IL1RAPL2: variants seen among roughly 807,000 people sequenced by gnomAD.
IL1RAPL2 encodes interleukin 1 receptor accessory protein like 2, also known as X-linked interleukin-1 receptor accessory protein-like 2.
IL1RAPL2 carries 3 observed loss-of-function variants against 44.1 expected under a neutral mutation model. The ratio of observed to expected loss-of-function variants is 0.07; its 90% CI spans 0.03 to 0.18. The LOEUF (loss-of-function observed/expected upper bound fraction) is 0.18. Among genes scored for constraint, IL1RAPL2 ranks in the 10% least tolerant of loss-of-function variants. IL1RAPL2 has a pLI of 1.00. For synonymous variants in IL1RAPL2, 181 were observed against 178.8 expected (o/e 1.01, Z -0.10); for missense variants, 391 against 496.4 (o/e 0.79, Z 2.02).
At chrX:105,087,743 A>G (rs2032496077) in intron 2 of IL1RAPL2, among the ~76,000 whole-genome samples, 1 of 112,206 alleles carries the variant, frequency 8.9e-6, no homozygotes. Flanking sequence ...AGGAAGTTCC[A>G]GAGACTTTCT....
At chrX:104,624,315 C>T (rs931772052) in intron 1 of IL1RAPL2, among the ~76,000 whole-genome samples, 8 of 109,933 alleles carry the variant, frequency 7.3e-5, no homozygotes, top group Admixed American at 4.9e-4. Flanking sequence ...AAAATATTTA[C>T]AACGCATGTA....
At chrX:105,126,507 G>T (rs1237862932) in intron 2 of IL1RAPL2, among the ~76,000 whole-genome samples, 3 of 111,028 alleles carry the variant, frequency 2.7e-5, no homozygotes, top group Non-Finnish European at 5.7e-5. Flanking sequence ...TGTTTACTAT[G>T]TTCCTTTTTT....
chrX:105,583,509 A>G (rs1040465552), intron 6 of IL1RAPL2, among the ~76,000 whole-genome samples: 7 of 112,062 alleles, frequency 6.2e-5, no homozygotes, highest in African/African-American at 2.3e-4. Flanking sequence ...GTTAGTTTGC[A>G]TCTTTCAGAG....
At chrX:105,758,337 T>C (rs1022987533) in intron 10 of IL1RAPL2, among the ~76,000 whole-genome samples, 2 of 111,728 alleles carry the variant, frequency 1.8e-5, no homozygotes, top group African/African-American at 6.5e-5. Flanking sequence ...TGTACTACTC[T>C]CACGGTATTC....
intron 2 of IL1RAPL2, among the ~76,000 whole-genome samples, chrX:104,863,312 T>C (rs1372614743): frequency 8.9e-6 from 1 of 111,769 alleles, no homozygotes; most frequent in African/African-American, 3.3e-5. Flanking sequence ...TAATCACTCA[T>C]ACATTTATGT....
At chrX:105,199,424 T>C (rs1311116419) in intron 3 of IL1RAPL2, among the ~76,000 whole-genome samples, 3 of 110,643 alleles carry the variant, frequency 2.7e-5, no homozygotes, top group Non-Finnish European at 3.8e-5. Flanking sequence ...GAGTCCTGTT[T>C]TTTTAATGGA....
intron 2 of IL1RAPL2, among the ~76,000 whole-genome samples, chrX:105,078,522 C>T (rs2147545512): frequency 8.9e-6 from 1 of 112,417 alleles, no homozygotes; most frequent in South Asian, 3.7e-4. Flanking sequence ...CTCAGATCTC[C>T]AGCTGCATGC....
chrX:104,878,470 T>C (rs1048058727), intron 2 of IL1RAPL2, among the ~76,000 whole-genome samples: 12 of 112,212 alleles, frequency 1.1e-4, no homozygotes, highest in African/African-American at 3.6e-4. Flanking sequence ...GAAAGTTAAA[T>C]AGATTGCTCA....
chrX:104,676,944 G>T (rs956621871), intron 2 of IL1RAPL2, among the ~76,000 whole-genome samples: 1 of 111,638 alleles, frequency 9.0e-6, no homozygotes, highest in East Asian at 2.8e-4. Context: ...TTGGTTTTCA[G>T]CTCCATCAGC....
intron 6 of IL1RAPL2, among the ~76,000 whole-genome samples, chrX:105,491,214 TA>T (rs1417549664): frequency 1.8e-5 from 2 of 111,447 alleles, no homozygotes; most frequent in African/African-American, 3.3e-5. Context: ...TTTTTATTTT[TA>T]TTTTTTTTTA....
At chrX:105,085,199 ATCT>A (rs1337946716) in intron 2 of IL1RAPL2, among the ~76,000 whole-genome samples, 1 of 112,255 alleles carries the variant, frequency 8.9e-6, no homozygotes, top group Non-Finnish European at 1.9e-5. Context: ...CAATCTAAAA[ATCT>A]TCTACACAGC....
intron 5 of IL1RAPL2, among the ~76,000 whole-genome samples, chrX:105,269,800 T>G (rs2034433384): frequency 8.9e-6 from 1 of 112,000 alleles, no homozygotes; most frequent in Admixed American, 9.6e-5. Flanking sequence ...TGCTGAATCT[T>G]GTAACATTAT....
intron 5 of IL1RAPL2, among the ~76,000 whole-genome samples, chrX:105,325,514 C>T (rs1199064022): frequency 7.5e-5 from 7 of 93,590 alleles, no homozygotes; most frequent in African/African-American, 3.1e-4. Context: ...CTTGAATAAA[C>T]ATGTTTTCAT....
chrX:104,932,978 T>C (rs1276499890), intron 2 of IL1RAPL2, among the ~76,000 whole-genome samples: 1 of 111,782 alleles, frequency 8.9e-6, no homozygotes, highest in African/African-American at 3.3e-5. Context: ...CTAAAGTATC[T>C]ATGAAGACAT....
intron 2 of IL1RAPL2, among the ~76,000 whole-genome samples, chrX:105,128,820 C>T (rs1485303685): frequency 9.0e-6 from 1 of 111,080 alleles, no homozygotes; most frequent in Non-Finnish European, 1.9e-5. Context: ...ATACATGTTT[C>T]GTATCTAATA....
intron 6 of IL1RAPL2, among the ~76,000 whole-genome samples, chrX:105,518,781 A>T (rs2036534324): frequency 9.0e-6 from 1 of 111,630 alleles, no homozygotes; most frequent in Admixed American, 9.6e-5. Flanking sequence ...GGTTACTAGT[A>T]AAAAGTTGTA....
At chrX:105,204,265 G>T (rs1416631185) in intron 3 of IL1RAPL2, among the ~76,000 whole-genome samples, 1 of 111,449 alleles carries the variant, frequency 9.0e-6, no homozygotes, top group Non-Finnish European at 1.9e-5. Flanking sequence ...TCCCTTGTGT[G>T]GCTATTGGAG....
At chrX:105,077,689 C>G (rs1023922191) in intron 2 of IL1RAPL2, among the ~76,000 whole-genome samples, 1 of 111,909 alleles carries the variant, frequency 8.9e-6, no homozygotes, top group African/African-American at 3.2e-5. Flanking sequence ...ACCAATTAGA[C>G]ATAGATTTGG....
At chrX:105,069,667 A>T (rs1298919683) in intron 2 of IL1RAPL2, among the ~76,000 whole-genome samples, 1 of 112,483 alleles carries the variant, frequency 8.9e-6, no homozygotes, top group East Asian at 2.8e-4. Flanking sequence ...TGTTTTAGAA[A>T]AAAAAGTAAG....
Sources: gnomAD v4.1 joint callset for allele counts (sites outside exome capture counted in the v4.1 genomes callset) on GRCh38, gnomAD v4.1.1 for gene constraint, MANE v1.5 for transcripts, NCBI Gene and HGNC (gene_info 2026-07-23, HGNC 2026-07-21) for gene names.